Variants in LRP6 observed in about 807,000 individuals in gnomAD.
The protein encoded by LRP6 is LDL receptor related protein 6.
Under a neutral mutation model 184.1 loss-of-function variants are expected in LRP6, and 43 were observed. The observed-to-expected ratio is 0.23, with a 90% CI of 0.18 to 0.30. The LOEUF is 0.30. Among genes scored for constraint, LRP6 ranks in the 10% least tolerant of loss-of-function variants. The probability of loss-of-function intolerance (pLI) is 1.00; values close to 1 mark genes in which losing one functional copy is unlikely to be tolerated. For synonymous variants in LRP6, 719 were observed against 684.9 expected, an observed-to-expected ratio of 1.05 and a Z score of -0.78; for missense variants, 1,571 against 2,005.3, an observed-to-expected ratio of 0.78 and a Z score of 4.14.
In LRP6 at chr12:12,120,019, AT is replaced by A. The variant is rs1565519182; in HGVS notation, c.*1106del. ...TATATATATATATATATATATATAT[AT>A]ATATATATATATATATATATATAAA... On this transcript the variant is annotated 3_prime_UTR_variant, in exon 23 of 23. Coordinates refer to ENST00000261349, the MANE Select transcript of LRP6 (RefSeq NM_002336.3). The A allele has an allele frequency of 2.8e-5, 3 of 108,062 alleles. No homozygotes were observed. Among genetic ancestry groups the A allele is most frequent in the African/African-American group, 9.4e-5 (3 of 31,964 alleles). The allele number at this position is 108,062 out of a possible 1,614,324, so 6.7% of individuals were successfully genotyped here. A position where few individuals can be genotyped will look rare whatever the true frequency, so the allele number is the denominator to read the frequency against.
intron 5 of LRP6, among the ~76,000 whole-genome samples, chr12:12,182,732 CTT>C (rs1283237054): frequency 6.6e-6 from 1 of 152,132 alleles, no homozygotes; most frequent in Non-Finnish European, 1.5e-5. Context: ...GTAGGAATAA[CTT>C]TGTACAATTC....
At chr12:12,121,902 C>T (rs1030913864) in intron 22 of LRP6, among the ~76,000 whole-genome samples, 1 of 152,140 alleles carries the variant, frequency 6.6e-6, no homozygotes, top group Non-Finnish European at 1.5e-5. Flanking sequence ...CTGTACAATT[C>T]TGTACAATTT....
At chr12:12,147,708 A>G in intron 14 of LRP6, 152 bp from the exon 15 acceptor site, 2 of 676,566 alleles carry the variant, frequency 3.0e-6, no homozygotes, top group Non-Finnish European at 5.1e-6. Context: ...ACAGTGGCTC[A>G]TGCCTGTAAT....
chr12:12,249,473 A>G, intron 1 of LRP6: 1 of 680,174 alleles, frequency 1.5e-6, no homozygotes, highest in Non-Finnish European at 2.6e-6. Context: ...CAATTAATCG[A>G]AAAGAAAAAC....
intron 7 of LRP6, 72 bp downstream of exon 7, chr12:12,179,738 C>T: frequency 1.3e-6 from 2 of 1,520,448 alleles, no homozygotes; most frequent in East Asian, 2.3e-5. Flanking sequence ...AATATCTGTA[C>T]TCAAATCATT....
chr12:12,242,629 G>C (rs1329197933), intron 2 of LRP6, among the ~76,000 whole-genome samples: 1 of 152,144 alleles, frequency 6.6e-6, no homozygotes, highest in Non-Finnish European at 1.5e-5. Flanking sequence ...CAAATTCTTT[G>C]ATAACTACAG....
intron 1 of LRP6, among the ~76,000 whole-genome samples, chr12:12,257,812 T>TAAAAAAAAAAAA (rs1865507818): frequency 6.4e-4 from 43 of 67,298 alleles, no homozygotes; most frequent in Middle Eastern, 9.3e-3. Context: ...AAAAAAAAAT[T>TAAAAAAAAAAAA]AAAAATGAGC....
At chr12:12,175,952 T>C (rs1015630068) in intron 7 of LRP6, among the ~76,000 whole-genome samples, 2 of 151,834 alleles carry the variant, frequency 1.3e-5, no homozygotes, top group African/African-American at 4.8e-5. Flanking sequence ...TTATCAACGA[T>C]ATATCTTGGC....
intron 1 of LRP6, among the ~76,000 whole-genome samples, chr12:12,257,400 AC>A (rs1865490523): frequency 6.6e-6 from 1 of 151,228 alleles, no homozygotes; most frequent in African/African-American, 2.4e-5. Flanking sequence ...ACACGGTAAA[AC>A]CCCGTCTCTA....
Position 12,120,122 on chromosome 12 carries a change from T to G in LRP6, c.*1004A>C, listed in dbSNP as rs559149657. On this transcript the variant is annotated 3_prime_UTR_variant, in exon 23 of 23. Transcript: ENST00000261349. ...CAACAAAAACATAATGGTTAAATTT[T>G]TAATTCTTAAACATTGTCTATATGT... 6.7e-6 allele frequency: 1 copy of G among 148,808 alleles called. No homozygotes were observed. Among genetic ancestry groups the G allele is most frequent in the South Asian group, 2.1e-4 (1 of 4,674 alleles). The allele number at this position is 148,808 out of a possible 1,614,324, so 9.2% of individuals were successfully genotyped here.
chr12:12,149,068 T>A lies in LRP6; in HGVS notation c.3080A>T (p.Tyr1027Phe). Residue 1027 changes from tyrosine to phenylalanine, a missense_variant, in exon 14 of 23, where the codon TAC (tyrosine) becomes TTC (phenylalanine). Tyr to Phe is a conservative substitution (Grantham distance 22). Around this residue, in one of 4 missense-constraint regions of LRP6, gnomAD observed 763 missense variants for 859.5 expected, o/e 0.89. Coordinates refer to ENST00000261349, the MANE Select transcript of LRP6 (RefSeq NM_002336.3). ...GGTAGCCTCACAAGTCCAGTAGATGTAGCGGCTGTAAATATCAATGCTGAG... is the reference window on the plus strand; with the variant it reads ...GGTAGCCTCACAAGTCCAGTAGATGAAGCGGCTGTAAATATCAATGCTGAG... ...YDLSIDIYSR[Y>F]IYWTCEATNV... 1 of 1,614,024 alleles carries A rather than the reference T, an allele frequency of 6.2e-7. No individual in the cohort carries two copies. The highest frequency in any genetic ancestry group is 8.5e-7 in the Non-Finnish European group (1 of 1,179,944).
intron 1 of LRP6, among the ~76,000 whole-genome samples, chr12:12,248,607 G>A (rs768164675): frequency 2.0e-5 from 3 of 148,156 alleles, no homozygotes; most frequent in East Asian, 2.0e-4. Context: ...TCAGCCTCCC[G>A]AGTAGCTGGG....
intron 1 of LRP6, among the ~76,000 whole-genome samples, chr12:12,256,448 C>A (rs1022316175): frequency 3.3e-5 from 5 of 151,974 alleles, no homozygotes; most frequent in Non-Finnish European, 7.4e-5. Context: ...AAGGTCCAGG[C>A]TGCAGTGAGC....
At chr12:12,188,198 G>A (rs1197699966) in intron 3 of LRP6, among the ~76,000 whole-genome samples, 11 of 140,354 alleles carry the variant, frequency 7.8e-5, no homozygotes, top group Non-Finnish European at 1.2e-4. Flanking sequence ...GCGACAGAGC[G>A]AGACTCATCT....
intron 4 of LRP6, among the ~76,000 whole-genome samples, chr12:12,184,850 T>G (rs1487030553): frequency 6.6e-6 from 1 of 151,944 alleles, no homozygotes; most frequent in Non-Finnish European, 1.5e-5. Context: ...TTGGAAATTA[T>G]GGAAAGGGAT....
chr12:12,216,361 T>A (rs1281185317), intron 2 of LRP6, among the ~76,000 whole-genome samples: 2 of 152,124 alleles, frequency 1.3e-5, no homozygotes, highest in Non-Finnish European at 2.9e-5. Flanking sequence ...TTTGAGGTTT[T>A]AAAAAATGAT....
chr12:12,198,658 C>T (rs1429419357), intron 3 of LRP6, among the ~76,000 whole-genome samples: 1 of 151,366 alleles, frequency 6.6e-6, no homozygotes, highest in Non-Finnish European at 1.5e-5. Flanking sequence ...CTCAGCCTCC[C>T]GAGTAGTTGT....
intron 17 of LRP6, among the ~76,000 whole-genome samples, chr12:12,134,057 C>T (rs1949796882): frequency 6.6e-6 from 1 of 152,122 alleles, no homozygotes; most frequent in African/African-American, 2.4e-5. Flanking sequence ...CCCTACGGTC[C>T]AAGCACAGTG....
At chr12:12,130,742 TTC>T (rs1949740567) in intron 19 of LRP6, 39 bp downstream of exon 19, 5 of 1,294,522 alleles carry the variant, frequency 3.9e-6, no homozygotes, top group East Asian at 2.3e-5. Context: ...ATTGTTTAAA[TTC>T]TCTGTTAAGA....
Sources: allele counts gnomAD v4.1 joint callset (sites outside exome capture counted in the v4.1 genomes callset), GRCh38; gene constraint gnomAD v4.1.1; regional missense constraint gnomAD v4.1.1; transcripts MANE v1.5; gene names NCBI Gene and HGNC (gene_info 2026-07-23, HGNC 2026-07-21).